The following ZDHHC11B variants were observed in gnomAD, a reference collection of about 807,000 sequenced individuals.
ZDHHC11B encodes the protein probable palmitoyltransferase ZDHHC11B.
A neutral mutation model predicts 42.3 loss-of-function variants in ZDHHC11B; 17 were observed. That is an observed-to-expected ratio of 0.40 (90% CI 0.27 to 0.60). The LOEUF (loss-of-function observed/expected upper bound fraction) is 0.60, where lower values mean the gene tolerates loss of function less well. ZDHHC11B is among the 20% of genes least tolerant of loss of function. ZDHHC11B has a pLI of 0.41. For missense variants in ZDHHC11B, 262 were observed against 463.2 expected (o/e 0.57, Z 3.99); for synonymous variants, 123 against 193.5 (o/e 0.64, Z 3.02).
intron 12 of ZDHHC11B, among the ~76,000 whole-genome samples, chr5:720,517 G>T (rs1271491101): frequency 1.3e-5 from 2 of 151,724 alleles, no homozygotes; most frequent in African/African-American, 2.4e-5. Flanking sequence ...TACCCTAAAA[G>T]AAATGTTAAA....
At chr5:721,451 G>T (rs1184632044) in intron 12 of ZDHHC11B, among the ~76,000 whole-genome samples, 1 of 151,488 alleles carries the variant, frequency 6.6e-6, no homozygotes, top group Non-Finnish European at 1.5e-5. Context: ...AAGCTGAAGT[G>T]CCTGTGGACA....
chr5:746,273 G>A (rs1744802418), intron 8 of ZDHHC11B, among the ~76,000 whole-genome samples: 1 of 146,312 alleles, frequency 6.8e-6, no homozygotes, highest in African/African-American at 2.5e-5. Context: ...GCAGTGAGGA[G>A]CAGATGGCGG....
At chr5:772,446 G>C (rs1257557564) in intron 1 of ZDHHC11B, among the ~76,000 whole-genome samples, 1 of 151,924 alleles carries the variant, frequency 6.6e-6, no homozygotes, top group South Asian at 2.1e-4. Context: ...CTTCGGGCTG[G>C]GACTTGGATA....
rs1269472450 is a variant in ZDHHC11B, at chr5:767,409, G to C, written c.-18C>G. ...ACACCTGCCTCGGCGCACACTGCAC[G>C]CCTGTCTCATCTCCGTAGGCTGAGT... On this transcript the variant is annotated 5_prime_UTR_variant, in exon 3 of 14. Transcript: ENST00000508859. 3 of 1,572,286 alleles carry C rather than the reference G, an allele frequency of 1.9e-6. No individual in the cohort carries two copies. In the East Asian group the frequency reaches 6.7e-5, roughly 35 times the overall value.
At chr5:776,722 G>A (rs1439539643) in intron 1 of ZDHHC11B, among the ~76,000 whole-genome samples, 6 of 152,066 alleles carry the variant, frequency 3.9e-5, no homozygotes, top group African/African-American at 1.4e-4. Flanking sequence ...CCCACCAAGG[G>A]GCCTTCTAGG....
intron 4 of ZDHHC11B, among the ~76,000 whole-genome samples, chr5:758,076 C>A (rs530150556): frequency 6.6e-6 from 1 of 151,962 alleles, no homozygotes; most frequent in African/African-American, 2.4e-5. Flanking sequence ...GCCTGCATCC[C>A]GGCTGTTGTC....
intron 4 of ZDHHC11B, among the ~76,000 whole-genome samples, chr5:764,781 C>G (rs1428665696): frequency 6.6e-6 from 1 of 151,962 alleles, no homozygotes; most frequent in Non-Finnish European, 1.5e-5. Flanking sequence ...CTCCACCTGC[C>G]CCCGGTGTGG....
At chr5:757,113 T>A (rs1354511274) in intron 4 of ZDHHC11B, among the ~76,000 whole-genome samples, 5 of 151,802 alleles carry the variant, frequency 3.3e-5, no homozygotes, top group African/African-American at 1.2e-4. Context: ...AGACTCCCCA[T>A]GGCAACCAAA....
In ZDHHC11B at chr5:711,562, T is replaced by TAGCACTGTGCTCCCATTTCCC. The variant is rs1561106226; in HGVS notation, c.*707_*727dup. On this transcript the variant is annotated 3_prime_UTR_variant, in exon 14 of 14. Coordinates refer to ENST00000508859, the MANE Select transcript of ZDHHC11B (RefSeq NM_001351303.2). ...TTCCCAAAACTGTGCTCTCATTTCCTAGCACTGTGCTCCCATTTCCCAGTA... is the reference window on the plus strand; with the variant it reads ...TTCCCAAAACTGTGCTCTCATTTCCTAGCACTGTGCTCCCATTTCCCAGCACTGTGCTCCCATTTCCCAGTA... 3 of 123,552 alleles carry TAGCACTGTGCTCCCATTTCCC rather than the reference T, an allele frequency of 2.4e-5. No individual in the cohort carries two copies. The highest frequency in any genetic ancestry group is 5.1e-5 in the Non-Finnish European group (3 of 58,712). 7.7% of individuals were successfully genotyped at this position (123,552 alleles called of 1,614,324 possible).
intron 1 of ZDHHC11B, among the ~76,000 whole-genome samples, chr5:777,387 G>C (rs918505997): frequency 4.6e-5 from 7 of 151,774 alleles, no homozygotes; most frequent in Non-Finnish European, 1.0e-4. Context: ...GTGGGCTCGT[G>C]GTCTGGCTGG....
At chr5:765,964 A>G (rs2150217206) in intron 4 of ZDHHC11B, among the ~76,000 whole-genome samples, 1 of 152,066 alleles carries the variant, frequency 6.6e-6, no homozygotes, top group South Asian at 2.1e-4. Flanking sequence ...TCCTACTTTC[A>G]GAAATATGGT....
intron 3 of ZDHHC11B, 97 bp from the exon 4 acceptor site, chr5:767,016 C>T (rs1236643738): frequency 7.1e-7 from 1 of 1,410,890 alleles, no homozygotes. Flanking sequence ...GAACATGGCC[C>T]CCAGGACCAG....
intron 10 of ZDHHC11B, among the ~76,000 whole-genome samples, chr5:737,707 GATC>G (rs4045360): frequency 6.7e-6 from 1 of 149,494 alleles, no homozygotes; most frequent in Non-Finnish European, 1.5e-5. Flanking sequence ...AAAAATCAGA[GATC>G]ATCTCAATAG....
chr5:731,491 G>A (rs1157270794), intron 11 of ZDHHC11B, among the ~76,000 whole-genome samples: 2 of 150,792 alleles, frequency 1.3e-5, no homozygotes, highest in Non-Finnish European at 3.0e-5. Flanking sequence ...GCACCATTTT[G>A]TGGGCTTTAT....
chr5:715,555 C>A (rs574781014), intron 13 of ZDHHC11B, among the ~76,000 whole-genome samples: 1 of 151,446 alleles, frequency 6.6e-6, no homozygotes, highest in South Asian at 2.1e-4. Context: ...TGCAATCTTT[C>A]CACATCTCAT....
At position 775,523 on chromosome 5, in the gene ZDHHC11B, G is replaced by A. The variant is rs188115661; in HGVS notation, c.-229-6593C>T. 7.4e-3 allele frequency among the ~76,000 whole-genome samples: 1,120 copies of A among 151,848 alleles called. 18 individuals are homozygous for A. The highest frequency in any genetic ancestry group is 8.3e-3 in the Non-Finnish European group (562 of 67,822). ...CAGGCTGGGAACATCAGGCACGCAC[G>A]CCACACACTCAACCCAAACCTTCTG... On this transcript the variant is annotated intron_variant, in intron 1 of 13. Transcript: ENST00000508859.
intron 1 of ZDHHC11B, among the ~76,000 whole-genome samples, chr5:770,921 C>T (rs527239737): frequency 1.7e-3 from 254 of 151,264 alleles, no homozygotes; most frequent in African/African-American, 5.8e-3. Flanking sequence ...CGCAGGGCTA[C>T]GCCACAGGGC....
In ZDHHC11B at chr5:766,780, G is replaced by A; in HGVS notation, c.140C>T (p.Ala47Val). The change falls in exon 4 of 14, where the codon GCT (alanine) becomes GTT (valine). Residue 47 changes from alanine to valine, a missense_variant. Around this residue, in one of 5 missense-constraint regions of ZDHHC11B, gnomAD observed 97 missense variants for 98.1 expected, o/e 0.99. Coordinates refer to ENST00000508859, the MANE Select transcript of ZDHHC11B (RefSeq NM_001351303.2). ...PLHYFRVVTW[A>V]VFVGLSLATF... ...GGCCAAGGAAAGGCCAACGAAGACA[G>A]CCCAAGTCACCACCCGGAAGTAGTG... 6.2e-7 allele frequency: 1 copy of A among 1,612,648 alleles called. No homozygotes were observed. The highest frequency in any genetic ancestry group is 8.5e-7 in the Non-Finnish European group (1 of 1,179,232).
At position 766,729 on chromosome 5, in the gene ZDHHC11B, A is replaced by C; in HGVS notation, c.191T>G (p.Leu64Arg). Residue 64 changes from leucine (L) to arginine (R), a missense_variant, in exon 4 of 14, where the codon CTG (leucine) becomes CGG (arginine). Leu to Arg is a moderately radical substitution (Grantham distance 102). Transcript: ENST00000508859. The part of the protein sequence containing the change: ...LATFRIFIPL[L>R]PHSWKYIAYV... ...GGCGATGTATTTCCACGAGTGAGGC[A>C]GGAGGGGAATGAAGATCCTGAAGGT... 6.2e-7 allele frequency: 1 copy of C among 1,611,532 alleles called. No individual in the cohort carries two copies. The highest frequency in any genetic ancestry group is 8.5e-7 in the Non-Finnish European group (1 of 1,178,678).
Sources: gnomAD v4.1 joint callset for allele counts (sites outside exome capture counted in the v4.1 genomes callset) on GRCh38, gnomAD v4.1.1 for gene constraint, gnomAD v4.1.1 regional missense constraint, MANE v1.5 for transcripts, NCBI Gene and HGNC (gene_info 2026-07-23, HGNC 2026-07-21) for gene names.